The following SLC2A13 variants were observed in gnomAD, a reference collection of about 807,000 sequenced individuals.
SLC2A13 encodes the protein proton myo-inositol cotransporter.
A neutral mutation model predicts 64.4 loss-of-function variants in SLC2A13; 32 were observed. The ratio of observed to expected loss-of-function variants is 0.50; its 90% CI spans 0.37 to 0.67. The LOEUF is 0.67. SLC2A13 is among the 30% of genes least tolerant of loss of function. The probability of loss-of-function intolerance (pLI) is 0.00; values close to 1 mark genes in which losing one functional copy is unlikely to be tolerated. For missense variants in SLC2A13, 743 were observed against 829.2 expected, an observed-to-expected ratio of 0.90 and a Z score of 1.28; for synonymous variants, 338 against 327.1, an observed-to-expected ratio of 1.03 and a Z score of -0.36.
At chr12:39,920,501 C>A (rs1324578451) in intron 4 of SLC2A13, among the ~76,000 whole-genome samples, 1 of 152,040 alleles carries the variant, frequency 6.6e-6, no homozygotes, top group Admixed American at 6.6e-5. Flanking sequence ...GAACTGGGTG[C>A]AAAGATGGAA....
chr12:39,956,993 T>A (rs1223682516), intron 3 of SLC2A13, among the ~76,000 whole-genome samples: 3 of 152,018 alleles, frequency 2.0e-5, no homozygotes, highest in African/African-American at 7.3e-5. Flanking sequence ...TGGGCTACAA[T>A]CAAGCACAGC....
chr12:39,959,623 G>GT, intron 3 of SLC2A13, among the ~76,000 whole-genome samples: 2 of 152,286 alleles, frequency 1.3e-5, no homozygotes, highest in Admixed American at 1.3e-4. Context: ...TTTGTCAAAA[G>GT]TATCTACATA....
At chr12:39,763,532 C>G (rs1320339240) in intron 9 of SLC2A13, among the ~76,000 whole-genome samples, 1 of 152,044 alleles carries the variant, frequency 6.6e-6, no homozygotes, top group African/African-American at 2.4e-5. Context: ...CCTGGCCCTC[C>G]AGGGATTTAT....
Position 39,886,893 on chromosome 12 carries a change from T to C in SLC2A13, c.1035-14932A>G, listed in dbSNP as rs543540889. On this transcript the variant is annotated intron_variant, in intron 4 of 9. Coordinates refer to ENST00000280871, the MANE Select transcript of SLC2A13 (RefSeq NM_052885.4). ...TAATATTTTTGAGCACTTAACTAAA[T>C]GCCAAGTAGTGTCCAGATGTGTTTT... Among the ~76,000 whole-genome samples, 16 of 152,312 alleles carry C rather than the reference T, an allele frequency of 1.1e-4. 1 individual carries two copies. The highest frequency in any genetic ancestry group is 6.2e-4 in the South Asian group (3 of 4,826).
intron 4 of SLC2A13, among the ~76,000 whole-genome samples, chr12:39,948,320 G>A (rs1299152502): frequency 2.0e-5 from 3 of 151,866 alleles, no homozygotes; most frequent in Admixed American, 6.6e-5. Flanking sequence ...AGAAACATAA[G>A]TTATCATACA....
At chr12:40,064,636 A>T (rs1431039923) in intron 1 of SLC2A13, among the ~76,000 whole-genome samples, 1 of 152,068 alleles carries the variant, frequency 6.6e-6, no homozygotes, top group African/African-American at 2.4e-5. Flanking sequence ...GCTACATCTC[A>T]TAGGAAAAGC....
chr12:40,065,348 A>C (rs1195146183), intron 1 of SLC2A13, among the ~76,000 whole-genome samples: 1 of 152,060 alleles, frequency 6.6e-6, no homozygotes, highest in Non-Finnish European at 1.5e-5. Context: ...TTGGAAAGCC[A>C]AGGCAGAAGG....
At chr12:39,828,837 G>A (rs1251196893) in intron 7 of SLC2A13, among the ~76,000 whole-genome samples, 2 of 151,098 alleles carry the variant, frequency 1.3e-5, no homozygotes, top group Non-Finnish European at 3.0e-5. Context: ...TATAAACTGA[G>A]TATTTTTAAA....
At chr12:39,830,689 T>C (rs1044242985) in intron 6 of SLC2A13, among the ~76,000 whole-genome samples, 1 of 151,972 alleles carries the variant, frequency 6.6e-6, no homozygotes, top group South Asian at 2.1e-4. Flanking sequence ...CTAATACATA[T>C]CCTGAAAAAG....
chr12:40,092,993 C>T (rs535467558), intron 1 of SLC2A13, among the ~76,000 whole-genome samples: 7 of 152,280 alleles, frequency 4.6e-5, no homozygotes, highest in South Asian at 2.1e-4. Context: ...ATATATCCCA[C>T]GTAATAAGTT....
chr12:39,794,753 G>T (rs1056277360), intron 7 of SLC2A13, among the ~76,000 whole-genome samples: 4 of 152,164 alleles, frequency 2.6e-5, no homozygotes. Flanking sequence ...CCTGATTTGC[G>T]AATCATTCTT....
At chr12:40,059,781 T>C (rs1948388285) in intron 1 of SLC2A13, among the ~76,000 whole-genome samples, 1 of 152,136 alleles carries the variant, frequency 6.6e-6, no homozygotes, top group African/African-American at 2.4e-5. Flanking sequence ...ACAGAATGAA[T>C]GAGGAAACCC....
At chr12:39,826,035 G>C (rs1318779289) in intron 7 of SLC2A13, among the ~76,000 whole-genome samples, 1 of 151,938 alleles carries the variant, frequency 6.6e-6, no homozygotes, top group Non-Finnish European at 1.5e-5. Context: ...ATTTTTATTA[G>C]AAAACATGTT....
intron 3 of SLC2A13, among the ~76,000 whole-genome samples, chr12:40,028,027 T>C (rs1183716348): frequency 6.6e-6 from 1 of 152,136 alleles, no homozygotes; most frequent in Non-Finnish European, 1.5e-5. Context: ...TTATAAAAAT[T>C]AGTATGAAAA....
At chr12:39,829,972 T>C (rs754975210) in intron 7 of SLC2A13, 131 bp downstream of exon 7, 1 of 1,109,746 alleles carries the variant, frequency 9.0e-7, no homozygotes, top group South Asian at 1.3e-5. Context: ...CACCAGTATA[T>C]GCTGCAAAGT....
chr12:39,758,384 G>A lies in SLC2A13; in HGVS notation c.*1642C>T, dbSNP rs1940026315. 6.6e-6 allele frequency: 1 copy of A among 151,786 alleles called. No individual in the cohort carries two copies. The highest frequency in any genetic ancestry group is 2.1e-4 in the South Asian group (1 of 4,822). 9.4% of individuals were successfully genotyped at this position (151,786 alleles called of 1,614,324 possible). ...AAAAGAATAGAGTATCTTGGAGACTGGAAGAAATATTTTGAATATGGAGAT... is the reference window on the plus strand; with the variant it reads ...AAAAGAATAGAGTATCTTGGAGACTAGAAGAAATATTTTGAATATGGAGAT... On this transcript the variant is annotated 3_prime_UTR_variant, in exon 10 of 10. Transcript: ENST00000280871.
chr12:39,762,352 C>A (rs1940186486), intron 9 of SLC2A13, among the ~76,000 whole-genome samples: 1 of 144,658 alleles, frequency 6.9e-6, no homozygotes, highest in Non-Finnish European at 1.5e-5. Context: ...GGATTTAAAT[C>A]TTATTAGAGC....
At chr12:39,778,930 T>C (rs1207528729) in intron 7 of SLC2A13, among the ~76,000 whole-genome samples, 1 of 152,038 alleles carries the variant, frequency 6.6e-6, no homozygotes, top group African/African-American at 2.4e-5. Flanking sequence ...AGGTTAAGAG[T>C]TTAATAATGA....
intron 2 of SLC2A13, among the ~76,000 whole-genome samples, chr12:40,040,851 G>A (rs762298056): frequency 6.6e-6 from 1 of 152,120 alleles, no homozygotes; most frequent in Non-Finnish European, 1.5e-5. Flanking sequence ...CTATTAGCAC[G>A]AAATTTTAAG....
Sources: gnomAD v4.1 joint callset for allele counts (sites outside exome capture counted in the v4.1 genomes callset) on GRCh38, gnomAD v4.1.1 for gene constraint, MANE v1.5 for transcripts, NCBI Gene and HGNC (gene_info 2026-07-23, HGNC 2026-07-21) for gene names.